The following GABBR2 variants were observed in gnomAD, a reference collection of about 807,000 sequenced individuals.
The protein encoded by GABBR2 is G-protein coupled receptor 51.
In GABBR2, 23 loss-of-function variants were observed where a neutral mutation model predicts 105.6. That is an observed-to-expected ratio of 0.22 (90% CI 0.16 to 0.31). The LOEUF (loss-of-function observed/expected upper bound fraction) is 0.31, where lower values mean the gene tolerates loss of function less well. Among genes scored for constraint, GABBR2 ranks in the 10% least tolerant of loss-of-function variants. The pLI is 1.00. For missense variants in GABBR2, 734 were observed against 1,245.5 expected (o/e 0.59, Z 6.18); for synonymous variants, 478 against 499.7 (o/e 0.96, Z 0.58).
intron 7 of GABBR2, among the ~76,000 whole-genome samples, chr9:98,436,388 T>TAGATAG (rs1564068314): frequency 3.1e-4 from 13 of 42,252 alleles, no homozygotes; most frequent in African/African-American, 1.0e-3. Flanking sequence ...TATATATATA[T>TAGATAG]ATATATATAT....
At chr9:98,403,029 C>G (rs186999347) in intron 8 of GABBR2, among the ~76,000 whole-genome samples, 22 of 152,260 alleles carry the variant, frequency 1.4e-4, no homozygotes, top group Non-Finnish European at 3.1e-4. Context: ...GGCGCAGTGG[C>G]TCACGCCTGT....
At chr9:98,453,793 A>G (rs1243242035) in intron 7 of GABBR2, among the ~76,000 whole-genome samples, 188 bp downstream of exon 7, 1 of 152,162 alleles carries the variant, frequency 6.6e-6, no homozygotes, top group Non-Finnish European at 1.5e-5. Context: ...CATTTTCCCA[A>G]TGTGTCTGAG....
chr9:98,659,679 C>A (rs1052284558), intron 1 of GABBR2, among the ~76,000 whole-genome samples: 2 of 151,990 alleles, frequency 1.3e-5, no homozygotes, highest in Admixed American at 6.6e-5. Flanking sequence ...CACCACCACG[C>A]CCAGCTAACT....
At chr9:98,385,522 G>T in intron 11 of GABBR2, 118 bp downstream of exon 11, 1 of 819,292 alleles carries the variant, frequency 1.2e-6, no homozygotes, top group Non-Finnish European at 2.1e-6. Context: ...TAAATGGGTT[G>T]TTCCCTGCCT....
At chr9:98,699,771 T>A (rs927572741) in intron 1 of GABBR2, among the ~76,000 whole-genome samples, 2 of 152,058 alleles carry the variant, frequency 1.3e-5, no homozygotes, top group African/African-American at 4.8e-5. Context: ...GCTCATACAC[T>A]CACGGTTTCA....
chr9:98,360,550 T>C (rs1407834820), intron 13 of GABBR2, among the ~76,000 whole-genome samples: 1 of 152,136 alleles, frequency 6.6e-6, no homozygotes, highest in Non-Finnish European at 1.5e-5. Flanking sequence ...TGTTTCCTTA[T>C]CTACACAGAA....
intron 1 of GABBR2, among the ~76,000 whole-genome samples, chr9:98,693,740 C>T (rs897685543): frequency 1.5e-4 from 23 of 152,254 alleles, no homozygotes; most frequent in African/African-American, 5.5e-4. Flanking sequence ...TTGCCACTAT[C>T]CAGGTGCACA....
At chr9:98,533,213 G>T (rs1362680743) in intron 3 of GABBR2, among the ~76,000 whole-genome samples, 1 of 152,148 alleles carries the variant, frequency 6.6e-6, no homozygotes, top group Non-Finnish European at 1.5e-5. Context: ...TAAAGTTACT[G>T]CTTACTTTTC....
chr9:98,698,993 T>C (rs1830792541), intron 1 of GABBR2, among the ~76,000 whole-genome samples: 1 of 152,038 alleles, frequency 6.6e-6, no homozygotes, highest in Admixed American at 6.6e-5. Context: ...AGGGAACATA[T>C]TTTCTCACTA....
At chr9:98,356,311 A>C (rs1002232065) in intron 13 of GABBR2, among the ~76,000 whole-genome samples, 1 of 152,268 alleles carries the variant, frequency 6.6e-6, no homozygotes, top group African/African-American at 2.4e-5. Context: ...AAAATATACA[A>C]GGACCTCTTA....
chr9:98,363,512 C>T (rs1225623288), intron 12 of GABBR2, among the ~76,000 whole-genome samples: 2 of 152,018 alleles, frequency 1.3e-5, no homozygotes, highest in East Asian at 1.9e-4. Flanking sequence ...GGATTTGGAC[C>T]GAGATCTGTT....
chr9:98,306,513 C>G lies in GABBR2; in HGVS notation c.2005-168G>C. 1.6e-6 allele frequency: 1 copy of G among 632,232 alleles called. No individual in the cohort carries two copies. 39.2% of individuals were successfully genotyped at this position (632,232 alleles called of 1,614,324 possible). On this transcript the variant is annotated intron_variant, in intron 14 of 18. Transcript: ENST00000259455. This position sits in a 1 kb window ranked among gnomAD's most constrained non-coding sequence, Gnocchi z 5.4. ...TCTTCTGGATGTCACCATCTGTCCC[C>G]ACTTGTGGCCCTGCTGAGTCCTGCT...
intron 11 of GABBR2, among the ~76,000 whole-genome samples, chr9:98,383,639 A>G (rs987705600): frequency 6.6e-6 from 1 of 152,208 alleles, no homozygotes; most frequent in Admixed American, 6.5e-5. Flanking sequence ...GCACTGCCCA[A>G]TTGAGGATAA....
At chr9:98,392,367 C>G (rs17696686) in intron 9 of GABBR2, among the ~76,000 whole-genome samples, 14,885 of 152,264 alleles carry the variant, frequency 0.098, 818 homozygotes, top group East Asian at 0.18. Flanking sequence ...CTCCCCAGTC[C>G]GATAGCAGAC....
chr9:98,490,270 C>T (rs1827149612), intron 4 of GABBR2, among the ~76,000 whole-genome samples: 1 of 152,006 alleles, frequency 6.6e-6, no homozygotes. Context: ...AAAAGGGTCA[C>T]AACTAGAACA....
At chr9:98,648,423 G>A (rs143053211) in intron 1 of GABBR2, among the ~76,000 whole-genome samples, 1 of 152,118 alleles carries the variant, frequency 6.6e-6, no homozygotes, top group Non-Finnish European at 1.5e-5. Flanking sequence ...ATGAGCCACC[G>A]CACCTGGCCC....
intron 13 of GABBR2, among the ~76,000 whole-genome samples, chr9:98,339,606 A>G (rs7874366): frequency 0.68 from 103,304 of 152,158 alleles, 36,561 homozygotes; most frequent in African/African-American, 0.88. Context: ...TGATTTGGCA[A>G]TAGCGTCTGC....
chr9:98,655,295 G>A (rs1830164444), intron 1 of GABBR2, among the ~76,000 whole-genome samples: 2 of 152,106 alleles, frequency 1.3e-5, no homozygotes, highest in South Asian at 4.1e-4. Context: ...TCGATAATGG[G>A]GGATGCTGTT....
intron 13 of GABBR2, among the ~76,000 whole-genome samples, chr9:98,325,283 CTTTTTTTTTTTTTTT>C (rs886288539): frequency 8.9e-5 from 6 of 67,618 alleles, no homozygotes; most frequent in East Asian, 1.1e-3. Flanking sequence ...GACAGCAATT[CTTTTTTTTTTTTTTT>C]TTTTTTTTTT....
Sources: allele counts gnomAD v4.1 joint callset (sites outside exome capture counted in the v4.1 genomes callset), GRCh38; gene constraint gnomAD v4.1.1; non-coding constraint Gnocchi (gnomAD v3.1); transcripts MANE v1.5; gene names NCBI Gene and HGNC (gene_info 2026-07-23, HGNC 2026-07-21).